Variants in USP47 observed in about 807,000 individuals in gnomAD.
USP47 encodes the protein ubiquitin carboxyl-terminal hydrolase 47.
USP47 carries 35 observed loss-of-function variants against 165.1 expected under a neutral mutation model. The ratio of observed to expected loss-of-function variants is 0.21; its 90% CI spans 0.16 to 0.28. USP47 has a LOEUF of 0.28. USP47 is among the 10% of genes least tolerant of loss of function. USP47 has a pLI of 1.00. For synonymous variants in USP47, 531 were observed against 544.5 expected (o/e 0.98, Z 0.35); for missense variants, 1,277 against 1,607.4 (o/e 0.79, Z 3.52).
intron 1 of USP47, among the ~76,000 whole-genome samples, chr11:11,863,940 C>A (rs1176649605): frequency 6.6e-6 from 1 of 152,036 alleles, no homozygotes; most frequent in Non-Finnish European, 1.5e-5. Flanking sequence ...TCTGCAAAGA[C>A]CTCTAGGTTC....
chr11:11,901,231 A>G (rs1852206408), intron 5 of USP47, among the ~76,000 whole-genome samples: 1 of 152,182 alleles, frequency 6.6e-6, no homozygotes, highest in Admixed American at 6.5e-5. Flanking sequence ...ATAGAAAGCC[A>G]TTCCCAAAAG....
intron 8 of USP47, among the ~76,000 whole-genome samples, chr11:11,911,603 A>T (rs1226359798): frequency 6.6e-6 from 1 of 152,184 alleles, no homozygotes; most frequent in Non-Finnish European, 1.5e-5. Context: ...CTGCCAAAAT[A>T]CATGAAGGAA....
At chr11:11,848,337 ATGT>A (rs1848539463) in intron 1 of USP47, among the ~76,000 whole-genome samples, 1 of 152,236 alleles carries the variant, frequency 6.6e-6, no homozygotes, top group Non-Finnish European at 1.5e-5. Flanking sequence ...AGGCTACAGC[ATGT>A]TACTGTACTG....
At chr11:11,870,447 T>C (rs1849965083) in intron 1 of USP47, among the ~76,000 whole-genome samples, 1 of 152,228 alleles carries the variant, frequency 6.6e-6, no homozygotes, top group Admixed American at 6.5e-5. Flanking sequence ...CTGTCTGTAT[T>C]CTTTTTTCCT....
Position 11,936,284 on chromosome 11 carries a change from G to A in USP47, c.1870-19G>A. 3 of 1,435,102 alleles carry A rather than the reference G, an allele frequency of 2.1e-6. No individual in the cohort carries two copies. The highest frequency in any genetic ancestry group is 2.8e-6 in the Non-Finnish European group (3 of 1,083,458). 88.9% of individuals were successfully genotyped at this position (1,435,102 alleles called of 1,614,324 possible). A position where few individuals can be genotyped will look rare whatever the true frequency, so the allele number is the denominator to read the frequency against. ...TATGTATATATATTTTTTCTTTCTGGGGGATTACTTTCTTTTAGATGATGG... is the reference window on the plus strand; with the variant it reads ...TATGTATATATATTTTTTCTTTCTGAGGGATTACTTTCTTTTAGATGATGG... On this transcript the variant is annotated intron_variant, in intron 16 of 27. Transcript: ENST00000527733.
At chr11:11,902,667 A>G (rs778964884) in intron 5 of USP47, 48 bp from the exon 6 acceptor site, 2 of 1,265,746 alleles carry the variant, frequency 1.6e-6, no homozygotes, top group East Asian at 2.8e-5. Context: ...ATGCTTTTAA[A>G]TAATAAAATC....
intron 1 of USP47, among the ~76,000 whole-genome samples, chr11:11,859,683 A>G (rs939869873): frequency 1.3e-5 from 2 of 152,218 alleles, no homozygotes; most frequent in African/African-American, 2.4e-5. Flanking sequence ...ATTATGTACA[A>G]GAATTGCATG....
chr11:11,949,290 G>A (rs781068634), intron 22 of USP47, among the ~76,000 whole-genome samples: 2 of 151,982 alleles, frequency 1.3e-5, no homozygotes, highest in Non-Finnish European at 2.9e-5. Context: ...CATATTTTCA[G>A]AATGTTATAA....
At chr11:11,915,598 G>A (rs1054985365) in intron 8 of USP47, among the ~76,000 whole-genome samples, 2 of 152,126 alleles carry the variant, frequency 1.3e-5, no homozygotes, top group Admixed American at 1.3e-4. Context: ...CCAGTAAACT[G>A]GGGGAAGTGT....
intron 18 of USP47, among the ~76,000 whole-genome samples, chr11:11,940,083 A>G (rs565629459): frequency 4.2e-4 from 64 of 152,166 alleles, no homozygotes; most frequent in African/African-American, 1.5e-3. Context: ...CAACATTTTG[A>G]TATCAGCAGT....
chr11:11,933,235 A>G (rs1181445245), intron 15 of USP47, 119 bp downstream of exon 15: 11 of 835,678 alleles, frequency 1.3e-5, no homozygotes, highest in Non-Finnish European at 2.1e-5. Context: ...ATGATCATTG[A>G]ACAGTGTAAC....
rs1480356344 is a variant in USP47, at chr11:11,880,350, G to A, written c.213G>A (p.Val71=). The change falls in exon 2 of 28, where the codon GTG becomes GTA. Residue 71 remains valine, a synonymous_variant. Coordinates refer to ENST00000527733, the MANE Select transcript of USP47 (RefSeq NM_001282659.2). The part of the protein sequence containing the change: ...VGYINGTFDL[V]WGNGINTADM... The stretch of plus-strand genomic sequence containing the variant: ...ACATAAATGGAACCTTTGACTTGGT[G>A]TGGGGAAATGGAATCAATACTGCTG... The A allele has an allele frequency of 3.0e-6, 4 of 1,352,318 alleles. No individual in the cohort carries two copies. Among genetic ancestry groups the A allele is most frequent in the Admixed American group, 3.7e-5 (1 of 27,178 alleles). 83.8% of individuals were successfully genotyped at this position (1,352,318 alleles called of 1,614,324 possible).
intron 1 of USP47, among the ~76,000 whole-genome samples, chr11:11,863,213 T>C (rs1260526087): frequency 6.6e-6 from 1 of 152,218 alleles, no homozygotes; most frequent in Non-Finnish European, 1.5e-5. Flanking sequence ...GGAAATGTGG[T>C]ATATTTTAAT....
At chr11:11,892,251 AAGT>A in intron 4 of USP47, 145 bp downstream of exon 4, 1 of 795,902 alleles carries the variant, frequency 1.3e-6, no homozygotes, top group Non-Finnish European at 1.9e-6. Context: ...AAGTTAGAAG[AAGT>A]ATGTGGTTTA....
In USP47 at chr11:11,958,524, G is replaced by A. The variant is rs1051498362; in HGVS notation, c.*2349G>A. The A allele has an allele frequency of 1.3e-5, 2 of 152,334 alleles. No homozygotes were observed. The highest frequency in any genetic ancestry group is 2.4e-5 in the African/African-American group (1 of 41,580). The allele number at this position is 152,334 out of a possible 1,614,324, so 9.4% of individuals were successfully genotyped here. A position where few individuals can be genotyped will look rare whatever the true frequency, so the allele number is the denominator to read the frequency against. On this transcript the variant is annotated 3_prime_UTR_variant, in exon 28 of 28. Transcript: ENST00000527733. ...TAGCGATGTGGATCAAGTTTCCTGA[G>A]CCCGGGGGCGGTGGAGCCTCATGAT...
At chr11:11,870,293 T>G (rs749619853) in intron 1 of USP47, among the ~76,000 whole-genome samples, 1 of 152,164 alleles carries the variant, frequency 6.6e-6, no homozygotes, top group Non-Finnish European at 1.5e-5. Context: ...TTCATGTATT[T>G]TTACCCTACC....
chr11:11,886,948 A>C (rs529856353), intron 3 of USP47, among the ~76,000 whole-genome samples: 1 of 152,330 alleles, frequency 6.6e-6, no homozygotes, highest in Non-Finnish European at 1.5e-5. Context: ...AAAGAAAGGA[A>C]TTTCCAACCC....
intron 20 of USP47, among the ~76,000 whole-genome samples, chr11:11,945,284 G>A (rs151309023): frequency 5.9e-5 from 9 of 152,292 alleles, no homozygotes; most frequent in Non-Finnish European, 1.3e-4. Context: ...TCTGAAAGAA[G>A]GTCCCTGGGA....
intron 19 of USP47, 108 bp downstream of exon 19, chr11:11,940,656 A>T: frequency 8.1e-7 from 1 of 1,240,580 alleles, no homozygotes; most frequent in South Asian, 1.5e-5. Flanking sequence ...TCTGTCTGGA[A>T]CTTAATTTAA....
Sources: allele counts gnomAD v4.1 joint callset (sites outside exome capture counted in the v4.1 genomes callset), GRCh38; gene constraint gnomAD v4.1.1; transcripts MANE v1.5; gene names NCBI Gene and HGNC (gene_info 2026-07-23, HGNC 2026-07-21).